Variants in DNAJA3 observed in about 807,000 individuals in gnomAD.
DNAJA3 encodes dnaJ homolog subfamily A member 3, mitochondrial.
In DNAJA3, 29 loss-of-function variants were observed where a neutral mutation model predicts 54.9. The ratio of observed to expected loss-of-function variants is 0.53; its 90% CI spans 0.39 to 0.72. DNAJA3 has a LOEUF of 0.72. DNAJA3 is among the 30% of genes least tolerant of loss of function. The probability of loss-of-function intolerance (pLI) is 0.00; values close to 1 mark genes in which losing one functional copy is unlikely to be tolerated. For synonymous variants in DNAJA3, 302 were observed against 251.4 expected, an observed-to-expected ratio of 1.20 and a Z score of -1.90; for missense variants, 708 against 639.4, an observed-to-expected ratio of 1.11 and a Z score of -1.16.
intron 3 of DNAJA3, among the ~76,000 whole-genome samples, chr16:4,438,387 C>G (rs1483918963): frequency 6.6e-6 from 1 of 152,058 alleles, no homozygotes; most frequent in Non-Finnish European, 1.5e-5. Flanking sequence ...ACACTTGTAG[C>G]TGGATTTGGG....
chr16:4,453,559 T>A (rs1380411467), intron 10 of DNAJA3, among the ~76,000 whole-genome samples: 1 of 152,004 alleles, frequency 6.6e-6, no homozygotes, highest in Non-Finnish European at 1.5e-5. Flanking sequence ...TGCCTCAGCC[T>A]CCCGAGTAGC....
intron 10 of DNAJA3, among the ~76,000 whole-genome samples, chr16:4,451,746 C>A (rs2056980262): frequency 1.1e-5 from 1 of 90,568 alleles, no homozygotes; most frequent in Non-Finnish European, 2.0e-5. Context: ...GACAGTGAGA[C>A]TCTCTGAAAA....
In DNAJA3 at chr16:4,455,702, T is replaced by A; in HGVS notation, c.*170T>A. 1 of 1,016,090 alleles carries A rather than the reference T, an allele frequency of 9.8e-7. No homozygotes were observed. Among genetic ancestry groups the A allele is most frequent in the Non-Finnish European group, 1.5e-6 (1 of 674,440 alleles). 62.9% of individuals were successfully genotyped at this position (1,016,090 alleles called of 1,614,324 possible). On this transcript the variant is annotated 3_prime_UTR_variant, in exon 12 of 12. Transcript: ENST00000262375. ...CAGCAAAATCATGGGACAACACCTC[T>A]CTCCACGGAAAGGTCACAGTGGACA...
chr16:4,426,406 C>T lies in DNAJA3; in HGVS notation c.211+314C>T, dbSNP rs950035077. 3.3e-5 allele frequency among the ~76,000 whole-genome samples: 5 copies of T among 152,340 alleles called. No individual in the cohort carries two copies. In the Middle Eastern group the frequency reaches 0.01, roughly 311 times the overall value. On this transcript the variant is annotated intron_variant, in intron 1 of 11. Coordinates refer to ENST00000262375, the MANE Select transcript of DNAJA3 (RefSeq NM_005147.6). Reference sequence around the variant, plus strand: ...TCTTCCTTTCCCATCTCTCCACCTTCTAGCCCGTAGCGGAAGGGAAGAGCT... The same window carrying T: ...TCTTCCTTTCCCATCTCTCCACCTTTTAGCCCGTAGCGGAAGGGAAGAGCT...
chr16:4,452,074 AAAC>A (rs1240101406), intron 10 of DNAJA3, among the ~76,000 whole-genome samples: 16 of 152,082 alleles, frequency 1.1e-4, no homozygotes, highest in South Asian at 6.2e-4. Flanking sequence ...TGTCTCAAAA[AAAC>A]AACAACAAAA....
intron 8 of DNAJA3, among the ~76,000 whole-genome samples, 153 bp from the exon 9 acceptor site, chr16:4,448,580 G>A (rs1382524006): frequency 6.6e-6 from 1 of 152,318 alleles, no homozygotes; most frequent in Admixed American, 6.5e-5. Context: ...CTGACCTCGT[G>A]ATCAGCCTGC....
At chr16:4,427,593 C>T (rs549432981) in intron 1 of DNAJA3, among the ~76,000 whole-genome samples, 1 of 152,140 alleles carries the variant, frequency 6.6e-6, no homozygotes, top group African/African-American at 2.4e-5. Flanking sequence ...CAATTGTATG[C>T]CAGCCACTGT....
chr16:4,434,318 T>C (rs778105148), intron 1 of DNAJA3, 66 bp from the exon 2 acceptor site: 26 of 1,561,904 alleles, frequency 1.7e-5, no homozygotes, highest in Non-Finnish European at 2.0e-5. Context: ...TGGTGGGTCA[T>C]GTACTCACAG....
intron 3 of DNAJA3, among the ~76,000 whole-genome samples, chr16:4,439,989 A>G (rs539015293): frequency 7.2e-5 from 11 of 151,896 alleles, no homozygotes; most frequent in South Asian, 2.1e-4. Context: ...CTGGAGTGCA[A>G]TGGTGCAATC....
At chr16:4,437,178 C>G (rs2056781733) in intron 2 of DNAJA3, among the ~76,000 whole-genome samples, 1 of 152,020 alleles carries the variant, frequency 6.6e-6, no homozygotes, top group African/African-American at 2.4e-5. Flanking sequence ...GCTGTGTTGC[C>G]CAGGCTGGTG....
intron 5 of DNAJA3, 27 bp downstream of exon 5, chr16:4,442,447 C>G: frequency 6.4e-7 from 1 of 1,555,874 alleles, no homozygotes; most frequent in Non-Finnish European, 8.7e-7. Context: ...GACTCCACCT[C>G]CCACGGCTTG....
intron 6 of DNAJA3, among the ~76,000 whole-genome samples, chr16:4,443,511 G>A (rs1172402595): frequency 1.3e-5 from 2 of 152,012 alleles, no homozygotes; most frequent in Admixed American, 1.3e-4. Context: ...AGCCATCATT[G>A]TCCCTGCTGC....
Position 4,455,843 on chromosome 16 carries a change from T to G in DNAJA3, c.*311T>G. The G allele has an allele frequency of 1.8e-6, 1 of 551,252 alleles. No homozygotes were observed. Among genetic ancestry groups the G allele is most frequent in the Non-Finnish European group, 3.2e-6 (1 of 308,198 alleles). The allele number at this position is 551,252 out of a possible 1,614,324, so 34.1% of individuals were successfully genotyped here. ...TTAGACTCTTGCAGGGCTAAAACTC[T>G]AATTTGGAATTGAATATTGTGGATA... On this transcript the variant is annotated 3_prime_UTR_variant, in exon 12 of 12. Transcript: ENST00000262375.
intron 4 of DNAJA3, 55 bp from the exon 5 acceptor site, chr16:4,442,213 G>A (rs2056844161): frequency 5.3e-6 from 8 of 1,510,082 alleles, no homozygotes; most frequent in South Asian, 4.1e-5. Context: ...AGAGCCGAGC[G>A]TCAGTTTTGG....
Position 4,442,598 on chromosome 16 carries a change from C to T in DNAJA3, c.783+178C>T, listed in dbSNP as rs2056849932. Reference sequence around the variant, plus strand: ...AGCCTGTGCTCCTCTTTCCCTGATACCACAGGCTCAGCAACCAGAGCACAG... The same window carrying T: ...AGCCTGTGCTCCTCTTTCCCTGATATCACAGGCTCAGCAACCAGAGCACAG... On this transcript the variant is annotated intron_variant, in intron 5 of 11. Coordinates refer to ENST00000262375, the MANE Select transcript of DNAJA3 (RefSeq NM_005147.6). 5 of 720,000 alleles carry T rather than the reference C, an allele frequency of 6.9e-6. No homozygotes were observed. The Admixed American group carries it at 1.1e-4, about 16-fold the overall frequency. 44.6% of individuals were successfully genotyped at this position (720,000 alleles called of 1,614,324 possible).
At chr16:4,442,120 C>T in intron 4 of DNAJA3, 148 bp from the exon 5 acceptor site, 2 of 757,530 alleles carry the variant, frequency 2.6e-6, no homozygotes, top group Admixed American at 3.3e-5. Flanking sequence ...GTGAGTCCTA[C>T]CTATGCTTAC....
chr16:4,442,426 G>T lies in DNAJA3; in HGVS notation c.783+6G>T. 2.5e-6 allele frequency: 4 copies of T among 1,587,634 alleles called. No homozygotes were observed. The highest frequency in any genetic ancestry group is 3.4e-6 in the Non-Finnish European group (4 of 1,165,900). On this transcript the variant is annotated splice_donor_region_variant and intron_variant, in intron 5 of 11. Transcript: ENST00000262375. Reference sequence around the variant, plus strand: ...ACTGTGGCGGCTCCGGCATGGTAAGGCTCTGCCCGAGACTCCACCTCCCAC... The same window carrying T: ...ACTGTGGCGGCTCCGGCATGGTAAGTCTCTGCCCGAGACTCCACCTCCCAC...
At chr16:4,436,595 G>A (rs151001750) in intron 2 of DNAJA3, among the ~76,000 whole-genome samples, 5 of 151,950 alleles carry the variant, frequency 3.3e-5, no homozygotes, top group East Asian at 2.0e-4. Context: ...GAGTGCAGTG[G>A]TGCAGTCTTG....
At chr16:4,429,693 G>A (rs2056670694) in intron 1 of DNAJA3, among the ~76,000 whole-genome samples, 1 of 152,148 alleles carries the variant, frequency 6.6e-6, no homozygotes, top group Non-Finnish European at 1.5e-5. Context: ...AATTAGCCAG[G>A]CCTGGTGGCG....
Sources: gnomAD v4.1 joint callset for allele counts (sites outside exome capture counted in the v4.1 genomes callset) on GRCh38, gnomAD v4.1.1 for gene constraint, MANE v1.5 for transcripts, NCBI Gene and HGNC (gene_info 2026-07-23, HGNC 2026-07-21) for gene names.